TMEM165: variants seen among roughly 807,000 people sequenced by gnomAD.
The protein encoded by TMEM165 is transmembrane protein 165.
A neutral mutation model predicts 30.0 loss-of-function variants in TMEM165; 19 were observed. The ratio of observed to expected loss-of-function variants is 0.63; its 90% confidence interval spans 0.44 to 0.93. TMEM165 has a LOEUF of 0.93. TMEM165 is among the 40% of genes least tolerant of loss of function. The probability of loss-of-function intolerance (pLI) is 0.00; values close to 1 mark genes in which losing one functional copy is unlikely to be tolerated. For synonymous variants in TMEM165, 168 were observed against 162.9 expected, an observed-to-expected ratio of 1.03 and a Z score of -0.24; for missense variants, 340 against 417.0, an observed-to-expected ratio of 0.82 and a Z score of 1.61.
At chr4:55,443,739 C>A in intron 3 of TMEM165, 1 of 1,614,062 alleles carries the variant, frequency 6.2e-7, no homozygotes, top group South Asian at 1.1e-5. Context: ...CTGAGTTGTG[C>A]CAATGTGTCC....
chr4:55,440,756 C>A (rs1417129499), intron 3 of TMEM165, among the ~76,000 whole-genome samples: 1 of 152,120 alleles, frequency 6.6e-6, no homozygotes, highest in African/African-American at 2.4e-5. Flanking sequence ...AGAATATTTT[C>A]TTTAATCTGC....
In TMEM165 at chr4:55,395,985, A is replaced by G. The variant is rs977735784; in HGVS notation, c.-205A>G. On this transcript the variant is annotated 5_prime_UTR_variant, in exon 1 of 6. Coordinates refer to ENST00000381334, the MANE Select transcript of TMEM165 (RefSeq NM_018475.5). ...TCCAGTTTAGCCGCCGCCGGAGAGG[A>G]CGGGCGCCGAGCCGGGGCTGCGGAC... 1.5e-5 allele frequency: 6 copies of G among 389,420 alleles called. No individual in the cohort carries two copies. Among genetic ancestry groups the G allele is most frequent in the Admixed American group, 4.7e-5 (1 of 21,274 alleles). 24.1% of individuals were successfully genotyped at this position (389,420 alleles called of 1,614,324 possible). A position where few individuals can be genotyped will look rare whatever the true frequency, so the allele number is the denominator to read the frequency against.
chr4:55,400,984 A>C (rs919620301), intron 1 of TMEM165, among the ~76,000 whole-genome samples: 2 of 150,608 alleles, frequency 1.3e-5, no homozygotes, highest in African/African-American at 5.0e-5. Flanking sequence ...CATGCAGTAG[A>C]TGTTTTAAGA....
chr4:55,427,066 C>T (rs1722241766), downstream of TMEM165, among the ~76,000 whole-genome samples: 1 of 144,550 alleles, frequency 6.9e-6, no homozygotes, highest in Admixed American at 7.1e-5. Flanking sequence ...GAGAGTCTCA[C>T]TCTGTCGCCC....
chr4:55,427,068 CTG>C (rs1722242031), downstream of TMEM165, among the ~76,000 whole-genome samples: 1 of 145,388 alleles, frequency 6.9e-6, no homozygotes, highest in Admixed American at 7.0e-5. Flanking sequence ...GAGTCTCACT[CTG>C]TCGCCCAGGC....
chr4:55,450,119 T>C, intron 3 of TMEM165: 2 of 1,614,150 alleles, frequency 1.2e-6, no homozygotes, highest in Non-Finnish European at 1.7e-6. Context: ...CCGTGTGAGA[T>C]GATTTTCTTG....
intron 2 of TMEM165, chr4:55,412,847 G>C (rs891543259): frequency 6.6e-6 from 1 of 151,944 alleles, no homozygotes; most frequent in Non-Finnish European, 1.5e-5. Context: ...AATCTCTTAA[G>C]TGTTAACTCT....
intron 3 of TMEM165, among the ~76,000 whole-genome samples, chr4:55,435,794 T>C (rs1398642472): frequency 6.6e-6 from 1 of 152,108 alleles, no homozygotes; most frequent in Non-Finnish European, 1.5e-5. Flanking sequence ...TATGAGAGAG[T>C]TTCATTTTTT....
chr4:55,410,608 C>T (rs73151818), intron 1 of TMEM165, among the ~76,000 whole-genome samples: 2,058 of 152,238 alleles, frequency 0.014, 44 homozygotes, highest in African/African-American at 0.047. Flanking sequence ...CAGCGTAGGA[C>T]GATCTGTGTT....
intron 1 of TMEM165, among the ~76,000 whole-genome samples, chr4:55,400,367 T>C (rs1325436542): frequency 4.0e-5 from 2 of 50,282 alleles, no homozygotes; most frequent in South Asian, 2.2e-3. Context: ...ATATAATTAA[T>C]TATATTAATA....
chr4:55,403,120 C>A, intron 1 of TMEM165: 1 of 565,292 alleles, frequency 1.8e-6, no homozygotes, highest in Non-Finnish European at 2.8e-6. Flanking sequence ...CTTAGTAGTG[C>A]CCAGGAGACA....
chr4:55,412,784 A>G (rs1721562211), intron 2 of TMEM165: 1 of 152,154 alleles, frequency 6.6e-6, no homozygotes, highest in African/African-American at 2.4e-5. Flanking sequence ...TGCAATAAAA[A>G]TATGCATTTA....
At chr4:55,412,486 C>T (rs1445586308) in intron 2 of TMEM165, 7 of 150,074 alleles carry the variant, frequency 4.7e-5, no homozygotes, top group Admixed American at 4.7e-4. Context: ...TTGATACCCA[C>T]TATCACCATC....
intron 4 of TMEM165, among the ~76,000 whole-genome samples, chr4:55,421,166 CAA>C (rs71194559): frequency 1.1e-4 from 9 of 83,490 alleles, no homozygotes; most frequent in South Asian, 4.2e-4. Flanking sequence ...GATTCCATCT[CAA>C]AAAAAAAAAA....
intron 3 of TMEM165, among the ~76,000 whole-genome samples, chr4:55,444,161 T>C (rs530642398): frequency 6.6e-6 from 1 of 152,348 alleles, no homozygotes; most frequent in South Asian, 2.1e-4. Context: ...TTATCATTTA[T>C]AATTTATAAC....
At chr4:55,433,833 T>C (rs1350728719) in intron 3 of TMEM165, 2 of 152,188 alleles carry the variant, frequency 1.3e-5, no homozygotes, top group Non-Finnish European at 2.9e-5. Flanking sequence ...GGCATGTGAG[T>C]TACAATATTC....
chr4:55,405,014 G>C (rs546077126), intron 1 of TMEM165, among the ~76,000 whole-genome samples: 1 of 152,274 alleles, frequency 6.6e-6, no homozygotes, highest in African/African-American at 2.4e-5. Context: ...TTTAGTTGCT[G>C]CCTGGCTCGA....
intron 3 of TMEM165, among the ~76,000 whole-genome samples, chr4:55,442,021 A>T (rs1208202620): frequency 6.6e-6 from 1 of 152,176 alleles, no homozygotes; most frequent in Non-Finnish European, 1.5e-5. Context: ...CTTTTAATAA[A>T]TGACTATTTG....
intron 3 of TMEM165, chr4:55,431,776 A>C (rs568385140): frequency 6.6e-6 from 1 of 152,352 alleles, no homozygotes; most frequent in East Asian, 1.9e-4. Context: ...GTTTGCCTCA[A>C]TGTAGTGGAA....
Sources: gnomAD v4.1 joint callset for allele counts (sites outside exome capture counted in the v4.1 genomes callset) on GRCh38, gnomAD v4.1.1 for gene constraint, MANE v1.5 for transcripts, NCBI Gene and HGNC (gene_info 2026-07-23, HGNC 2026-07-21) for gene names.